The following RIPOR3 variants were observed in gnomAD, a reference collection of about 807,000 sequenced individuals.
RIPOR3 encodes the protein RIPOR family member 3, also known as family with sequence similarity 65 member C.
A neutral mutation model predicts 114.3 loss-of-function variants in RIPOR3; 95 were observed. The ratio of observed to expected loss-of-function variants is 0.83; its 90% CI spans 0.70 to 0.99. RIPOR3 has a LOEUF of 0.99. RIPOR3 is among the 50% of genes least tolerant of loss of function. The probability of loss-of-function intolerance (pLI) is 0.00; values close to 1 mark genes in which losing one functional copy is unlikely to be tolerated. For synonymous variants in RIPOR3, 575 were observed against 543.8 expected, an observed-to-expected ratio of 1.06 and a Z score of -0.80; for missense variants, 1,252 against 1,266.9, an observed-to-expected ratio of 0.99 and a Z score of 0.18.
chr20:50,592,395 C>T lies in RIPOR3; in HGVS notation c.2526G>A (p.Ala842=), dbSNP rs377757501. 31 of 1,607,522 alleles carry T rather than the reference C, an allele frequency of 1.9e-5. No individual in the cohort carries two copies. Among genetic ancestry groups the T allele is most frequent in the South Asian group, 8.8e-5 (8 of 90,716 alleles). ...CTGCACCAGCCAGGCGAGCGCTGGC[C>T]GCCCTGCACACCCTCGGAGTGCCGT... ...QLDGTPRVCR[A]ASARLAGAVR... Residue 842 remains alanine (A), a synonymous_variant, in exon 19 of 22, where the codon GCG becomes GCA. Transcript: ENST00000327979.
At chr20:50,605,638 G>T (rs1250394269) in intron 11 of RIPOR3, among the ~76,000 whole-genome samples, 1 of 151,948 alleles carries the variant, frequency 6.6e-6, no homozygotes, top group Non-Finnish European at 1.5e-5. Context: ...GGCTAATGTG[G>T]TGACCAACAG....
Position 50,586,714 on chromosome 20 carries a change from C to T in RIPOR3, c.*518G>A, listed in dbSNP as rs2082933653. On this transcript the variant is annotated 3_prime_UTR_variant, in exon 22 of 22. Transcript: ENST00000327979. ...TTGTGCCTTCCCACCTTCCCCAGCTCACCAAGGTGACACCTGGCTGCTGCT... is the reference window on the plus strand; with the variant it reads ...TTGTGCCTTCCCACCTTCCCCAGCTTACCAAGGTGACACCTGGCTGCTGCT... The T allele has an allele frequency of 6.4e-6, 1 of 155,044 alleles. No homozygotes were observed. The highest frequency in any genetic ancestry group is 1.9e-4 in the East Asian group (1 of 5,296). The allele number at this position is 155,044 out of a possible 1,614,324, so 9.6% of individuals were successfully genotyped here.
At chr20:50,612,034 A>G (rs2083996021) in intron 4 of RIPOR3, among the ~76,000 whole-genome samples, 1 of 151,714 alleles carries the variant, frequency 6.6e-6, no homozygotes, top group Admixed American at 6.6e-5. Context: ...TTGAGGCAGG[A>G]GAATCACTTG....
intron 1 of RIPOR3, among the ~76,000 whole-genome samples, chr20:50,653,594 AT>A (rs34068674): frequency 3.4e-5 from 5 of 144,980 alleles, no homozygotes; most frequent in South Asian, 2.2e-4. Flanking sequence ...CACTTGGCTA[AT>A]TTTTTTTTTT....
At chr20:50,659,249 C>T (rs1364033037) in intron 1 of RIPOR3, among the ~76,000 whole-genome samples, 3 of 152,178 alleles carry the variant, frequency 2.0e-5, no homozygotes, top group South Asian at 2.1e-4. Context: ...GCTTGTTGGC[C>T]GATTTCTTGG....
At chr20:50,609,064 G>A in intron 8 of RIPOR3, 109 bp from the exon 9 acceptor site, 1 of 1,458,908 alleles carries the variant, frequency 6.9e-7, no homozygotes, top group Non-Finnish European at 9.4e-7. Flanking sequence ...TTTCAGTGGG[G>A]TGAGGATGGG....
In RIPOR3 at chr20:50,680,920, G is replaced by A. The variant is rs949095430; in HGVS notation, c.3+10206C>T. On this transcript the variant is annotated intron_variant, in intron 1 of 21. Transcript: ENST00000327979. ...TATTCCGGGGAAATTTCAAGAAGGG[G>A]CATATGACCTAACAAGAAACAATAG... is the stretch of plus-strand genomic sequence containing the variant. Among the ~76,000 whole-genome samples, 3 of 152,152 alleles carry A rather than the reference G, an allele frequency of 2.0e-5. No individual in the cohort carries two copies. The East Asian group carries it at 5.8e-4, about 29-fold the overall frequency.
chr20:50,663,332 C>G (rs112584162), intron 1 of RIPOR3, among the ~76,000 whole-genome samples: 2,317 of 152,230 alleles, frequency 0.015, 65 homozygotes, highest in African/African-American at 0.051. Flanking sequence ...TAATGATTGT[C>G]AGGTGGCTCA....
At chr20:50,607,300 G>A (rs2083758744) in intron 11 of RIPOR3, among the ~76,000 whole-genome samples, 1 of 152,180 alleles carries the variant, frequency 6.6e-6, no homozygotes, top group Non-Finnish European at 1.5e-5. Flanking sequence ...CACAGGGAAG[G>A]GTGGGAATCC....
intron 2 of RIPOR3, among the ~76,000 whole-genome samples, chr20:50,621,627 A>G (rs2084407754): frequency 6.6e-6 from 1 of 152,138 alleles, no homozygotes; most frequent in Admixed American, 6.5e-5. Flanking sequence ...TGGGGAACAT[A>G]TACCTGGGAC....
At chr20:50,627,871 C>T (rs560280637) in intron 2 of RIPOR3, among the ~76,000 whole-genome samples, 29 of 152,334 alleles carry the variant, frequency 1.9e-4, no homozygotes, top group African/African-American at 5.8e-4. Context: ...CTCATGAAGC[C>T]GCCCTTGGGT....
At chr20:50,644,597 C>T (rs866276394) in intron 1 of RIPOR3, among the ~76,000 whole-genome samples, 76 of 151,802 alleles carry the variant, frequency 5.0e-4, no homozygotes, top group African/African-American at 1.8e-3. Flanking sequence ...AATCCTCCCA[C>T]CTCAGTCTCC....
In RIPOR3 at chr20:50,619,570, T is replaced by C. The variant is rs1600591415; in HGVS notation, c.269+416A>G. Among the ~76,000 whole-genome samples the C allele has an allele frequency of 3.9e-5, 6 of 152,380 alleles. 1 individual carries two copies. The highest frequency in any genetic ancestry group is 3.9e-4 in the Admixed American group (6 of 15,300). On this transcript the variant is annotated intron_variant, in intron 3 of 21. Transcript: ENST00000327979. ...ACCCACCGCCCTGACCTCTTGCGTG[T>C]GTGGGCTCACAGTGCAGGCTCCTAC...
chr20:50,685,864 T>C (rs1265275639), intron 1 of RIPOR3, among the ~76,000 whole-genome samples: 2 of 149,758 alleles, frequency 1.3e-5, no homozygotes, highest in Non-Finnish European at 3.0e-5. Context: ...TTCTGTGATG[T>C]GGGCATTAAA....
At chr20:50,630,571 ATCTCTC>A (rs140830420) in intron 2 of RIPOR3, among the ~76,000 whole-genome samples, 161 bp downstream of exon 2, 47 of 133,138 alleles carry the variant, frequency 3.5e-4, no homozygotes, top group East Asian at 6.9e-4. Flanking sequence ...CTCAATCTCA[ATCTCTC>A]TCTCTCTCTC....
chr20:50,666,228 T>TTTCTTTTCTTTTCTTTTCTTTTC (rs1286460463), intron 1 of RIPOR3, among the ~76,000 whole-genome samples: 2 of 128,244 alleles, frequency 1.6e-5, no homozygotes, highest in Admixed American at 7.7e-5. Flanking sequence ...TTTTCTTTTT[T>TTTCTTTTCTTTTCTTTTCTTTTC]GAGACGGAGT....
intron 11 of RIPOR3, among the ~76,000 whole-genome samples, chr20:50,607,394 C>T (rs183982387): frequency 3.9e-5 from 6 of 152,314 alleles, no homozygotes; most frequent in Admixed American, 1.3e-4. Flanking sequence ...GCCTTGCACT[C>T]GGAGTAGGTA....
intron 1 of RIPOR3, among the ~76,000 whole-genome samples, chr20:50,690,027 G>A (rs765760196): frequency 1.3e-5 from 2 of 152,134 alleles, no homozygotes; most frequent in African/African-American, 2.4e-5. Flanking sequence ...AGGGAGACAC[G>A]AGCTGACTTT....
chr20:50,665,428 T>TTTTTG, intron 1 of RIPOR3, among the ~76,000 whole-genome samples: 1 of 141,754 alleles, frequency 7.1e-6, no homozygotes, highest in African/African-American at 2.6e-5. Context: ...TTCCTTTTTT[T>TTTTTG]TTTTTTTTTT....
Sources: gnomAD v4.1 joint callset for allele counts (sites outside exome capture counted in the v4.1 genomes callset) on GRCh38, gnomAD v4.1.1 for gene constraint, MANE v1.5 for transcripts, NCBI Gene and HGNC (gene_info 2026-07-23, HGNC 2026-07-21) for gene names.